Variants in FUBP1 observed in about 807,000 individuals in gnomAD.
FUBP1 encodes far upstream element binding protein 1, also known as far upstream element-binding protein 1.
Under a neutral mutation model 94.9 loss-of-function variants are expected in FUBP1, and 16 were observed. The observed-to-expected ratio is 0.17, with a 90% CI of 0.11 to 0.26. The LOEUF (loss-of-function observed/expected upper bound fraction) is 0.26. Ranked by LOEUF, FUBP1 falls within the 10% of genes least tolerant of loss-of-function variation. The probability of loss-of-function intolerance (pLI) is 1.00; values close to 1 mark genes in which losing one functional copy is unlikely to be tolerated. For synonymous variants in FUBP1, 279 were observed against 254.9 expected (o/e 1.09, Z -0.90); for missense variants, 583 against 808.6 (o/e 0.72, Z 3.38).
chr1:77,954,867 T>C (rs1187676013), intron 18 of FUBP1, among the ~76,000 whole-genome samples: 1 of 152,218 alleles, frequency 6.6e-6, no homozygotes, highest in African/African-American at 2.4e-5. Flanking sequence ...ATCACTTGGT[T>C]ACTTTCCGTC....
chr1:77,967,125 T>C (rs200003402), intron 4 of FUBP1, 24 bp from the exon 5 acceptor site: 6 of 1,451,812 alleles, frequency 4.1e-6, no homozygotes, highest in East Asian at 4.6e-5. Flanking sequence ...GAAAGCACCA[T>C]TTTCCTTCAA....
At chr1:77,966,814 A>T (rs2102419178) in intron 6 of FUBP1, 63 bp from the exon 7 acceptor site, 1 of 1,257,602 alleles carries the variant, frequency 8.0e-7, no homozygotes. Context: ...TATTGTTACT[A>T]GAAGGCTTAA....
chr1:77,966,072 G>A (rs888346901), intron 7 of FUBP1, among the ~76,000 whole-genome samples: 1 of 152,164 alleles, frequency 6.6e-6, no homozygotes, highest in African/African-American at 2.4e-5. Flanking sequence ...GCAGAAGAAA[G>A]TACAACTGCA....
intron 18 of FUBP1, 87 bp downstream of exon 18, chr1:77,955,168 G>C (rs943081771): frequency 1.0e-4 from 69 of 673,462 alleles, no homozygotes; most frequent in Non-Finnish European, 1.6e-4. Context: ...CAAGTCCAGT[G>C]ATTTTATTCA....
chr1:77,963,070 T>C, intron 13 of FUBP1, 140 bp from the exon 14 acceptor site: 1 of 516,068 alleles, frequency 1.9e-6, no homozygotes, highest in South Asian at 3.9e-5. Flanking sequence ...TATTAAGATT[T>C]TTCATTTAAT....
At chr1:77,974,517 AC>A in intron 1 of FUBP1, among the ~76,000 whole-genome samples, 1 of 152,028 alleles carries the variant, frequency 6.6e-6, no homozygotes, top group African/African-American at 2.4e-5. Flanking sequence ...AATCTTCCTG[AC>A]TTAGCTTCTC....
chr1:77,960,483 G>C lies in FUBP1; in HGVS notation c.1357C>G (p.Pro453Ala), dbSNP rs1162921397. 20 of 1,600,154 alleles carry C rather than the reference G, an allele frequency of 1.2e-5. No individual in the cohort carries two copies. Among genetic ancestry groups the C allele is most frequent in the Non-Finnish European group, 1.6e-5 (19 of 1,175,508 alleles). ...IEEKIGGPVN[P>A]LGPPVPHGPH... ...CCATGGGGTACAGGTGGCCCTAAAG[G>C]ATTTACTGGGCCCTACAAAAAAAAG... Residue 453 changes from proline (P) to alanine (A), a missense_variant, in exon 15 of 20, where the codon CCT becomes GCT. Pro to Ala is a conservative substitution (Grantham distance 27, BLOSUM62 -1). Transcript: ENST00000370768.
At chr1:77,950,763 GCT>G (rs1243946045) in intron 18 of FUBP1, among the ~76,000 whole-genome samples, 2 of 152,090 alleles carry the variant, frequency 1.3e-5, no homozygotes, top group African/African-American at 4.8e-5. Flanking sequence ...CACACAGGAA[GCT>G]CTTTTTATGT....
intron 13 of FUBP1, 69 bp downstream of exon 13, chr1:77,963,505 C>T (rs1655907161): frequency 1.1e-5 from 10 of 870,924 alleles, no homozygotes; most frequent in South Asian, 3.6e-5. Context: ...CACTTGTTTA[C>T]GACAGCAACA....
In FUBP1 at chr1:77,960,515, A is replaced by G. The variant is rs750343872; in HGVS notation, c.1345-20T>C. ...TGGGCCCTACAAAAAAAAGGATGAC[A>G]TAGAAAAATCAGAAAAACACAGTAA... On this transcript the variant is annotated intron_variant, in intron 14 of 19. Transcript: ENST00000370768. The G allele has an allele frequency of 1.9e-5, 30 of 1,585,744 alleles. No homozygotes were observed. The highest frequency in any genetic ancestry group is 8.6e-7 in the Non-Finnish European group (1 of 1,166,402).
At chr1:77,962,981 A>G in intron 13 of FUBP1, 51 bp from the exon 14 acceptor site, 1 of 1,308,800 alleles carries the variant, frequency 7.6e-7, no homozygotes. Flanking sequence ...GTGTACTAGG[A>G]GCTATTTAGA....
intron 1 of FUBP1, 72 bp downstream of exon 1, chr1:77,978,813 G>A (rs899729312): frequency 7.0e-6 from 11 of 1,581,950 alleles, no homozygotes; most frequent in African/African-American, 5.4e-5. Flanking sequence ...ATGCGCTTAA[G>A]GGTAGCGGCC....
chr1:77,958,935 G>A (rs1023511886), intron 16 of FUBP1, among the ~76,000 whole-genome samples: 9 of 152,134 alleles, frequency 5.9e-5, no homozygotes, highest in Non-Finnish European at 1.2e-4. Flanking sequence ...TACCCTGTGA[G>A]CCCCTTCCAT....
intron 1 of FUBP1, among the ~76,000 whole-genome samples, chr1:77,977,464 T>C (rs1658869814): frequency 6.6e-6 from 1 of 152,192 alleles, no homozygotes; most frequent in African/African-American, 2.4e-5. Flanking sequence ...AGGCAGAGGT[T>C]GCAGTGGGAC....
intron 3 of FUBP1, among the ~76,000 whole-genome samples, chr1:77,967,900 T>G (rs2102433718): frequency 6.6e-6 from 1 of 152,260 alleles, no homozygotes; most frequent in Non-Finnish European, 1.5e-5. Flanking sequence ...ATTTCCTTTT[T>G]CAAGTTGTAC....
chr1:77,964,815 T>C lies in FUBP1; in HGVS notation c.735+55A>G, dbSNP rs1656172259. ...AACATTTTAATTATTCATGCATATT[T>C]TGCCCAACCCCATTCAACCCACTCT... On this transcript the variant is annotated intron_variant, in intron 9 of 19. Transcript: ENST00000370768. 2.7e-6 allele frequency: 4 copies of C among 1,487,654 alleles called. No individual in the cohort carries two copies. In the South Asian group the frequency reaches 3.4e-5, roughly 13 times the overall value. The allele number at this position is 1,487,654 out of a possible 1,614,324, so 92.2% of individuals were successfully genotyped here.
intron 2 of FUBP1, among the ~76,000 whole-genome samples, chr1:77,969,641 C>T (rs190171206): frequency 3.9e-5 from 6 of 151,962 alleles, no homozygotes; most frequent in East Asian, 1.9e-4. Context: ...ATTAACAAGA[C>T]GTCTGTGCAA....
At chr1:77,955,895 T>C (rs1437034063) in intron 17 of FUBP1, among the ~76,000 whole-genome samples, 4 of 152,056 alleles carry the variant, frequency 2.6e-5, no homozygotes, top group South Asian at 2.1e-4. Context: ...CTTGAAGAAA[T>C]AGCTGACTCG....
At chr1:77,970,148 A>C (rs1168666561) in intron 1 of FUBP1, 133 bp from the exon 2 acceptor site, 2 of 453,038 alleles carry the variant, frequency 4.4e-6, no homozygotes, top group Non-Finnish European at 7.9e-6. Flanking sequence ...TTGAAAAATT[A>C]AAATTATAGT....
Sources: gnomAD v4.1 joint callset for allele counts (sites outside exome capture counted in the v4.1 genomes callset) on GRCh38, gnomAD v4.1.1 for gene constraint, MANE v1.5 for transcripts, NCBI Gene and HGNC (gene_info 2026-07-23, HGNC 2026-07-21) for gene names.